The following ACKR3 variants were observed in gnomAD, a reference collection of about 807,000 sequenced individuals.
The protein encoded by ACKR3 is atypical chemokine receptor 3.
Under a neutral mutation model 22.4 loss-of-function variants are expected in ACKR3, and 6 were observed. The observed-to-expected ratio is 0.27, with a 90% CI of 0.15 to 0.53. ACKR3 has a LOEUF of 0.53. ACKR3 is among the 20% of genes least tolerant of loss of function. The pLI, the probability that ACKR3 is intolerant of heterozygous loss-of-function variation, is 0.96. For missense variants in ACKR3, 396 were observed against 475.2 expected (o/e 0.83, Z 1.55); for synonymous variants, 209 against 205.2 (o/e 1.02, Z -0.16).
At chr2:236,553,497 C>A in the ACKR3 span, among the ~76,000 whole-genome samples, 704 of 152,368 alleles carry the variant, frequency 4.6e-3, 4 homozygotes, top group African/African-American at 0.016. Flanking sequence ...AGGTTCCCAG[C>A]ATAGGAGAAC....
chr2:236,552,809 G>A, the ACKR3 span, among the ~76,000 whole-genome samples: 2 of 152,144 alleles, frequency 1.3e-5, no homozygotes. Context: ...CGAGAAGTAG[G>A]GTCATAGGAA....
the ACKR3 span, among the ~76,000 whole-genome samples, chr2:236,539,238 T>TTG: frequency 2.4e-4 from 36 of 150,306 alleles, no homozygotes; most frequent in East Asian, 3.3e-3. Flanking sequence ...ATAGACACAT[T>TTG]TGTGTGTGTG....
At chr2:236,551,592 A>G in the ACKR3 span, among the ~76,000 whole-genome samples, 15 of 152,254 alleles carry the variant, frequency 9.9e-5, no homozygotes, top group Middle Eastern at 3.4e-3. Flanking sequence ...ACTGACTCCA[A>G]TGTAAAAATG....
chr2:236,552,287 C>T, the ACKR3 span, among the ~76,000 whole-genome samples: 1 of 152,108 alleles, frequency 6.6e-6, no homozygotes, highest in Non-Finnish European at 1.5e-5. Flanking sequence ...GTGAGGGCGT[C>T]GGAGGGGACA....
intron 1 of ACKR3, among the ~76,000 whole-genome samples, chr2:236,572,281 T>C (rs1198753032): frequency 6.6e-6 from 1 of 152,132 alleles, no homozygotes; most frequent in Non-Finnish European, 1.5e-5. Context: ...AATTTTATGG[T>C]GACAATTTTA....
At chr2:236,556,829 C>T in the ACKR3 span, among the ~76,000 whole-genome samples, 3 of 152,214 alleles carry the variant, frequency 2.0e-5, no homozygotes, top group Non-Finnish European at 2.9e-5. Flanking sequence ...GCTGAGATCA[C>T]AGTGCCCACC....
chr2:236,574,208 C>T lies in ACKR3; in HGVS notation c.-27+4284C>T, dbSNP rs912923753. 2.0e-5 allele frequency among the ~76,000 whole-genome samples: 3 copies of T among 152,020 alleles called. No homozygotes were observed. The highest frequency in any genetic ancestry group is 1.9e-4 in the East Asian group (1 of 5,182). ...CAGTCCGTCAACACCAGCTCGGTGA[C>T]GATTTCAGAAAAGTCTCTCCTGGAC... On this transcript the variant is annotated intron_variant, in intron 1 of 1. Coordinates refer to ENST00000272928, the MANE Select transcript of ACKR3 (RefSeq NM_020311.3). This position sits in a 1 kb window ranked among gnomAD's most constrained non-coding sequence, Gnocchi z 5.6.
the ACKR3 span, among the ~76,000 whole-genome samples, chr2:236,545,702 G>A: frequency 6.6e-6 from 1 of 152,098 alleles, no homozygotes; most frequent in Non-Finnish European, 1.5e-5. The surrounding 1 kb of genome is among the most constrained non-coding windows in gnomAD (Gnocchi z 5.3). Flanking sequence ...TATATGACAC[G>A]GAATCTCTTC....
upstream of ACKR3, among the ~76,000 whole-genome samples, chr2:236,565,963 T>A (rs535135835): frequency 1.3e-5 from 2 of 152,314 alleles, no homozygotes; most frequent in East Asian, 3.9e-4. Flanking sequence ...ACTCCAAGAA[T>A]GAGGAACGCC....
the ACKR3 span, among the ~76,000 whole-genome samples, chr2:236,551,918 C>T: frequency 7.9e-5 from 12 of 152,152 alleles, no homozygotes; most frequent in East Asian, 1.9e-4. Flanking sequence ...CAAGTAGCCA[C>T]GGCCTCTGCT....
chr2:236,579,153 C>T (rs892437938), intron 1 of ACKR3, among the ~76,000 whole-genome samples: 5 of 152,224 alleles, frequency 3.3e-5, no homozygotes, highest in African/African-American at 1.2e-4. Flanking sequence ...TGTGGCTTTG[C>T]ATACCGCTAG....
At chr2:236,560,314 GCCTTTTTTTT>G in the ACKR3 span, among the ~76,000 whole-genome samples, 3,003 of 126,942 alleles carry the variant, frequency 0.024, 112 homozygotes, top group African/African-American at 0.088. Flanking sequence ...AGCACTTGTT[GCCTTTTTTTT>G]TTTTTTTTTT....
upstream of ACKR3, among the ~76,000 whole-genome samples, chr2:236,568,515 G>A (rs905562399): frequency 6.6e-6 from 1 of 152,204 alleles, no homozygotes; most frequent in Non-Finnish European, 1.5e-5. Flanking sequence ...TGATTGCGCC[G>A]CCCTGCAGAG....
chr2:236,543,914 T>G, the ACKR3 span, among the ~76,000 whole-genome samples: 1 of 142,048 alleles, frequency 7.0e-6, no homozygotes, highest in Non-Finnish European at 1.5e-5. Flanking sequence ...GTTACAGATA[T>G]GTGCAATTTT....
At chr2:236,542,623 G>C in the ACKR3 span, among the ~76,000 whole-genome samples, 1 of 152,144 alleles carries the variant, frequency 6.6e-6, no homozygotes, top group Non-Finnish European at 1.5e-5. Context: ...GCCCTGGGCT[G>C]TATGTCCCCA....
At chr2:236,550,511 C>T in the ACKR3 span, among the ~76,000 whole-genome samples, 1,329 of 152,288 alleles carry the variant, frequency 8.7e-3, 18 homozygotes, top group African/African-American at 0.031. This position sits in a 1 kb window ranked among gnomAD's most constrained non-coding sequence, Gnocchi z 4.6. Context: ...GATTACTCTG[C>T]TTGGTTTCAG....
chr2:236,579,826 C>T (rs965135340), intron 1 of ACKR3, among the ~76,000 whole-genome samples: 2 of 152,176 alleles, frequency 1.3e-5, no homozygotes, highest in Non-Finnish European at 2.9e-5. Context: ...ACTGTGTTTC[C>T]AGAGGCTTTA....
At chr2:236,540,126 T>C in the ACKR3 span, among the ~76,000 whole-genome samples, 1 of 152,230 alleles carries the variant, frequency 6.6e-6, no homozygotes, top group Non-Finnish European at 1.5e-5. Context: ...AAAATGGCTG[T>C]ACCATTTTAC....
rs544060211 is a variant in ACKR3, at chr2:236,574,371, G to A, written c.-27+4447G>A. On this transcript the variant is annotated intron_variant, in intron 1 of 1. Transcript: ENST00000272928. The surrounding 1 kb of genome is among the most constrained non-coding windows in gnomAD (Gnocchi z 5.6). ...TACACAAAGTTACAGAAGACTTGGTGGGGGGTGCGGGGCCTGGTAGGAATG... is the reference window on the plus strand; with the variant it reads ...TACACAAAGTTACAGAAGACTTGGTAGGGGGTGCGGGGCCTGGTAGGAATG... 6.6e-6 allele frequency among the ~76,000 whole-genome samples: 1 copy of A among 152,142 alleles called. No homozygotes were observed. The highest frequency in any genetic ancestry group is 1.5e-5 in the Non-Finnish European group (1 of 68,026).
Sources: gnomAD v4.1 joint callset for allele counts (sites outside exome capture counted in the v4.1 genomes callset) on GRCh38, gnomAD v4.1.1 for gene constraint, Gnocchi (gnomAD v3.1) non-coding constraint, MANE v1.5 for transcripts, NCBI Gene and HGNC (gene_info 2026-07-23, HGNC 2026-07-21) for gene names.